The following MINDY3 variants were observed in gnomAD, a reference collection of about 807,000 sequenced individuals.
MINDY3 encodes MINDY lysine 48 deubiquitinase 3.
MINDY3 carries 38 observed loss-of-function variants against 69.2 expected under a neutral mutation model. The observed-to-expected ratio is 0.55, with a 90% CI of 0.42 to 0.72. MINDY3 has a LOEUF of 0.72. Among genes scored for constraint, MINDY3 ranks in the 30% least tolerant of loss-of-function variants. The pLI, the probability that MINDY3 is intolerant of heterozygous loss-of-function variation, is 0.00. For synonymous variants in MINDY3, 192 were observed against 180.1 expected (o/e 1.07, Z -0.53); for missense variants, 522 against 519.0 (o/e 1.01, Z -0.06).
chr10:15,822,801 G>A (rs1839857637), intron 8 of MINDY3, among the ~76,000 whole-genome samples: 1 of 151,916 alleles, frequency 6.6e-6, no homozygotes, highest in African/African-American at 2.4e-5. Context: ...TATGGAAGTG[G>A]GTAAGTCAGA....
chr10:15,796,304 G>C lies in MINDY3; in HGVS notation c.883-132C>G, dbSNP rs889074058. ...TGAGTTACATTTGTATCATAGATGTGTAACGAGATAGGTCATAAACTCTCC... is the reference window on the plus strand; with the variant it reads ...TGAGTTACATTTGTATCATAGATGTCTAACGAGATAGGTCATAAACTCTCC... On this transcript the variant is annotated intron_variant, in intron 10 of 14. Coordinates refer to ENST00000277632, the MANE Select transcript of MINDY3 (RefSeq NM_024948.4). 5.3e-5 allele frequency: 37 copies of C among 695,712 alleles called. No individual in the cohort carries two copies. In the Admixed American group the frequency reaches 5.9e-4, roughly 11 times the overall value. The allele number at this position is 695,712 out of a possible 1,614,324, so 43.1% of individuals were successfully genotyped here.
intron 11 of MINDY3, among the ~76,000 whole-genome samples, chr10:15,794,430 T>C (rs1315342369): frequency 6.6e-6 from 1 of 152,126 alleles, no homozygotes; most frequent in African/African-American, 2.4e-5. Flanking sequence ...CAGTGTGATA[T>C]TTAGATGAAA....
chr10:15,801,549 G>C (rs898759757), intron 10 of MINDY3, among the ~76,000 whole-genome samples: 1 of 152,022 alleles, frequency 6.6e-6, no homozygotes, highest in Non-Finnish European at 1.5e-5. Context: ...AGGCACCAAA[G>C]TAGTTAACTG....
intron 8 of MINDY3, 29 bp downstream of exon 8, chr10:15,833,601 G>A (rs185974010): frequency 7.4e-7 from 1 of 1,354,238 alleles, no homozygotes; most frequent in South Asian, 1.2e-5. Flanking sequence ...ATTCATCAAA[G>A]AGAGCAACAT....
chr10:15,794,967 CCTTTT>C (rs1212302668), intron 11 of MINDY3, among the ~76,000 whole-genome samples: 9 of 141,628 alleles, frequency 6.4e-5, no homozygotes, highest in South Asian at 2.4e-4. Flanking sequence ...CTGATCCTTT[CCTTTT>C]ATGTTTCTTT....
chr10:15,850,188 C>T (rs1265935777), intron 1 of MINDY3, among the ~76,000 whole-genome samples: 1 of 152,196 alleles, frequency 6.6e-6, no homozygotes, highest in Non-Finnish European at 1.5e-5. Flanking sequence ...TCTTTAATCT[C>T]TTAATCCCGT....
chr10:15,810,124 A>G (rs1838898146), intron 10 of MINDY3, among the ~76,000 whole-genome samples: 1 of 152,142 alleles, frequency 6.6e-6, no homozygotes, highest in Non-Finnish European at 1.5e-5. Flanking sequence ...AGTACAATTA[A>G]AAAGGTAAAT....
chr10:15,829,455 C>T (rs151100888), intron 8 of MINDY3, among the ~76,000 whole-genome samples: 5 of 152,184 alleles, frequency 3.3e-5, no homozygotes, highest in Non-Finnish European at 7.4e-5. Context: ...CCTAGTTAAT[C>T]GTGATGTGCA....
chr10:15,835,749 A>G (rs1051979833), intron 6 of MINDY3, among the ~76,000 whole-genome samples: 1 of 152,128 alleles, frequency 6.6e-6, no homozygotes, highest in African/African-American at 2.4e-5. Flanking sequence ...CCGAACATCT[A>G]CACAACTAAG....
chr10:15,788,981 AACTTTTTAAAGTTTATAGAAAGAC>A (rs1837200085), intron 12 of MINDY3: 1 of 284,422 alleles, frequency 3.5e-6, no homozygotes, highest in African/African-American at 2.2e-5. Context: ...TTTGCAGAGA[AACTTTTTAAAGTTTATAGAAAGAC>A]ACTTTTAGCA....
chr10:15,778,311 G>A lies in MINDY3; in HGVS notation c.*681C>T, dbSNP rs1588486137. The stretch of plus-strand genomic sequence containing the variant: ...GAAAGCTGGCTTACAGGGCTGTTGG[G>A]ACAAATTTGGAAAAGTGTATTTGGC... On this transcript the variant is annotated 3_prime_UTR_variant, in exon 15 of 15. Coordinates refer to ENST00000277632, the MANE Select transcript of MINDY3 (RefSeq NM_024948.4). 1.3e-5 allele frequency: 2 copies of A among 152,110 alleles called. No homozygotes were observed. Among genetic ancestry groups the A allele is most frequent in the Admixed American group, 1.3e-4 (2 of 15,254 alleles). The allele number at this position is 152,110 out of a possible 1,614,324, so 9.4% of individuals were successfully genotyped here.
chr10:15,838,622 T>C (rs1014096090), intron 4 of MINDY3, among the ~76,000 whole-genome samples: 3 of 151,884 alleles, frequency 2.0e-5, no homozygotes, highest in African/African-American at 2.4e-5. Flanking sequence ...TTTCAGATTA[T>C]ATAAATCCAA....
At position 15,779,012 on chromosome 10, in the gene MINDY3, G is replaced by T. The variant is rs377568966; in HGVS notation, c.1318C>A (p.Arg440Ser). 6 of 1,612,954 alleles carry T rather than the reference G, an allele frequency of 3.7e-6. No individual in the cohort carries two copies. The highest frequency in any genetic ancestry group is 5.1e-6 in the Non-Finnish European group (6 of 1,179,478). Residue 440 changes from arginine to serine, a missense_variant, in exon 15 of 15, where the codon CGC becomes AGC. Transcript: ENST00000277632. Reference protein sequence around the residue: ...PYIELLWTTDRSPSLN With the variant: ...PYIELLWTTDSSPSLN ...ACAAATTAATTTAGTGAAGGAGAGC[G>T]ATCTGTGGTCCAGAGTAACTCAATG...
intron 14 of MINDY3, among the ~76,000 whole-genome samples, chr10:15,780,828 T>C (rs1836470224): frequency 6.6e-6 from 1 of 152,154 alleles, no homozygotes; most frequent in South Asian, 2.1e-4. Context: ...TGAAAACTTA[T>C]ACTACATACA....
At chr10:15,814,108 C>A (rs939052202) in intron 10 of MINDY3, among the ~76,000 whole-genome samples, 1 of 152,024 alleles carries the variant, frequency 6.6e-6, no homozygotes, top group East Asian at 1.9e-4. Context: ...AGCGAAATTT[C>A]CAGTATTTTT....
At chr10:15,827,512 C>T (rs528768909) in intron 8 of MINDY3, among the ~76,000 whole-genome samples, 7 of 151,172 alleles carry the variant, frequency 4.6e-5, no homozygotes, top group Admixed American at 4.6e-4. Flanking sequence ...CACTGCACTC[C>T]AGCCTGGGTG....
chr10:15,779,133 G>C lies in MINDY3; in HGVS notation c.1197C>G (p.Tyr399Ter). 6.2e-7 allele frequency: 1 copy of C among 1,612,518 alleles called. No individual in the cohort carries two copies. The highest frequency in any genetic ancestry group is 1.7e-4 in the Middle Eastern group (1 of 6,056). ...KQSNYNEKVM[Y>*]VEGTAVVMGF... is the part of the protein sequence containing the mutation. ...CCATCACAACTGCAGTCCCTTCTACGTACATGACCTGTTGAACAAAATAAA... is the reference window on the plus strand; with the variant it reads ...CCATCACAACTGCAGTCCCTTCTACCTACATGACCTGTTGAACAAAATAAA... Residue 399 changes from tyrosine (Y) to a stop codon, truncating the protein, a stop_gained, in exon 15 of 15, where the codon TAC becomes TAG. Coordinates refer to ENST00000277632, the MANE Select transcript of MINDY3 (RefSeq NM_024948.4). LOFTEE classifies it high-confidence loss of function.
intron 8 of MINDY3, among the ~76,000 whole-genome samples, chr10:15,831,386 T>G (rs1043757254): frequency 6.6e-6 from 1 of 152,208 alleles, no homozygotes; most frequent in African/African-American, 2.4e-5. Context: ...TTTTCTCATT[T>G]TTAAGTTTGA....
At chr10:15,845,451 T>C (rs1337523550) in intron 2 of MINDY3, among the ~76,000 whole-genome samples, 2 of 152,190 alleles carry the variant, frequency 1.3e-5, no homozygotes, top group African/African-American at 4.8e-5. Flanking sequence ...TTTTGACTCT[T>C]ACACTGAAAT....
Sources: allele counts gnomAD v4.1 joint callset (sites outside exome capture counted in the v4.1 genomes callset), GRCh38; gene constraint gnomAD v4.1.1; transcripts MANE v1.5; gene names NCBI Gene and HGNC (gene_info 2026-07-23, HGNC 2026-07-21).